The following DOCK9 variants were observed in gnomAD, a reference collection of about 807,000 sequenced individuals.
DOCK9 encodes the protein dedicator of cytokinesis protein 9.
In DOCK9, 89 loss-of-function variants were observed where a neutral mutation model predicts 263.3. The ratio of observed to expected loss-of-function variants is 0.34; its 90% confidence interval spans 0.28 to 0.40. The LOEUF is 0.40. DOCK9 is among the 10% of genes least tolerant of loss of function. DOCK9 has a pLI of 1.00. For missense variants in DOCK9, 2,140 were observed against 2,603.4 expected (o/e 0.82, Z 3.87); for synonymous variants, 976 against 973.1 (o/e 1.00, Z -0.06).
chr13:98,882,723 C>T (rs905935192), intron 23 of DOCK9, among the ~76,000 whole-genome samples: 12 of 152,314 alleles, frequency 7.9e-5, no homozygotes, highest in South Asian at 4.1e-4. Flanking sequence ...GGGTGAGGAC[C>T]GAAGTCTCTG....
chr13:98,848,502 C>T, intron 37 of DOCK9, 90 bp downstream of exon 37: 1 of 1,402,550 alleles, frequency 7.1e-7, no homozygotes, highest in Non-Finnish European at 9.8e-7. Context: ...TGAACCCCAA[C>T]TGCCAACCGC....
chr13:98,958,643 G>A (rs1412728401), intron 1 of DOCK9, among the ~76,000 whole-genome samples: 1 of 152,258 alleles, frequency 6.6e-6, no homozygotes, highest in Non-Finnish European at 1.5e-5. Context: ...GCAGCAGCCA[G>A]ATTTTGCCCA....
chr13:99,014,656 C>A (rs893173145), intron 1 of DOCK9, among the ~76,000 whole-genome samples: 5 of 152,332 alleles, frequency 3.3e-5, no homozygotes, highest in Admixed American at 2.6e-4. Flanking sequence ...AAGACACACA[C>A]AGAAACTCTG....
intron 1 of DOCK9, among the ~76,000 whole-genome samples, chr13:98,968,726 T>C (rs2059435889): frequency 6.6e-6 from 1 of 152,222 alleles, no homozygotes; most frequent in Non-Finnish European, 1.5e-5. Flanking sequence ...TTTTTTAAAC[T>C]TCATGGCAAA....
chr13:98,838,177 G>T (rs2093079073), intron 38 of DOCK9, among the ~76,000 whole-genome samples: 1 of 152,170 alleles, frequency 6.6e-6, no homozygotes, highest in Admixed American at 6.5e-5. Context: ...TCAGGCTGCT[G>T]GTCACTGAGT....
intron 49 of DOCK9, 60 bp from the exon 50 acceptor site, chr13:98,800,538 CTGAT>C (rs2089997701): frequency 7.1e-6 from 11 of 1,558,138 alleles, no homozygotes; most frequent in Non-Finnish European, 9.6e-6. Context: ...TGTTATTGAG[CTGAT>C]TATTATTAGA....
chr13:98,846,367 C>T (rs138431963), intron 37 of DOCK9, among the ~76,000 whole-genome samples: 5 of 152,180 alleles, frequency 3.3e-5, no homozygotes, highest in Admixed American at 6.5e-5. Flanking sequence ...AGTGTTCTGA[C>T]GACTGTCAAA....
At chr13:98,862,992 TGA>T (rs2093918279) in intron 32 of DOCK9, 25 bp downstream of exon 32, 2 of 1,570,988 alleles carry the variant, frequency 1.3e-6, no homozygotes, top group African/African-American at 2.7e-5. Context: ...TGATATAGGC[TGA>T]GTTAATGTGA....
chr13:98,843,776 A>C (rs542815495), intron 38 of DOCK9, among the ~76,000 whole-genome samples: 2 of 152,244 alleles, frequency 1.3e-5, no homozygotes, highest in South Asian at 4.1e-4. Context: ...TGGCAGCAGC[A>C]GCAGCACCAG....
intron 1 of DOCK9, among the ~76,000 whole-genome samples, chr13:99,004,574 C>T (rs184765508): frequency 3.3e-5 from 5 of 152,288 alleles, no homozygotes; most frequent in East Asian, 3.9e-4. Context: ...CACCTATCAT[C>T]GGCAATTGGC....
intron 38 of DOCK9, among the ~76,000 whole-genome samples, chr13:98,839,836 A>C (rs796866744): frequency 6.6e-6 from 1 of 152,260 alleles, no homozygotes; most frequent in Non-Finnish European, 1.5e-5. Context: ...ATATGGAAAC[A>C]TGGTACTGGG....
At chr13:98,939,979 T>C (rs1430961896) in intron 2 of DOCK9, among the ~76,000 whole-genome samples, 1 of 152,240 alleles carries the variant, frequency 6.6e-6, no homozygotes, top group Non-Finnish European at 1.5e-5. Context: ...TCGAGTGCAG[T>C]ATTAAACATT....
rs1459613670 is a variant in DOCK9, at chr13:98,831,407, G to A, written c.4576C>T (p.Leu1526=). ...RTEASQLLYF[L]MRNNFDYTGK... is the part of the protein sequence containing the mutation. Reference sequence around the variant, plus strand: ...GTGTAATCAAAGTTGTTCCTCATCAGGAAGTAGAGCAGCTGGGAGGCCTCC... The same window carrying A: ...GTGTAATCAAAGTTGTTCCTCATCAAGAAGTAGAGCAGCTGGGAGGCCTCC... The change falls in exon 41 of 53, where the codon CTG becomes TTG. Residue 1526 remains leucine, a synonymous_variant. Coordinates refer to ENST00000682017, the MANE Select transcript of DOCK9 (RefSeq NM_001366683.2). 6.2e-7 allele frequency: 1 copy of A among 1,603,934 alleles called. No individual in the cohort carries two copies. Among genetic ancestry groups the A allele is most frequent in the East Asian group, 2.2e-5 (1 of 44,662 alleles).
intron 3 of DOCK9, among the ~76,000 whole-genome samples, chr13:98,928,359 A>G (rs1041340385): frequency 1.3e-5 from 2 of 152,326 alleles, no homozygotes; most frequent in African/African-American, 4.8e-5. Flanking sequence ...GTTTTAAGCC[A>G]TTAGGTCATT....
chr13:99,052,557 A>T (rs2040743824), intron 1 of DOCK9, among the ~76,000 whole-genome samples: 1 of 152,010 alleles, frequency 6.6e-6, no homozygotes, highest in Non-Finnish European at 1.5e-5. Flanking sequence ...GGCCACTTGT[A>T]TGTCTTCTTT....
At chr13:98,838,868 A>C (rs1281773152) in intron 38 of DOCK9, among the ~76,000 whole-genome samples, 2 of 152,224 alleles carry the variant, frequency 1.3e-5, no homozygotes, top group Non-Finnish European at 2.9e-5. Context: ...AATGAAGTAC[A>C]GAAAACCTAG....
intron 1 of DOCK9, among the ~76,000 whole-genome samples, chr13:98,988,641 T>C (rs1879028325): frequency 6.6e-6 from 1 of 152,246 alleles, no homozygotes; most frequent in South Asian, 2.1e-4. Context: ...CATCCACTGT[T>C]ACTATAAAGA....
At chr13:98,911,504 C>T (rs189364627) in intron 9 of DOCK9, among the ~76,000 whole-genome samples, 1 of 152,274 alleles carries the variant, frequency 6.6e-6, no homozygotes, top group East Asian at 1.9e-4. Context: ...TTTTATATCA[C>T]TATGCAAGAC....
intron 2 of DOCK9, among the ~76,000 whole-genome samples, chr13:98,934,975 G>A (rs552728878): frequency 6.6e-6 from 1 of 152,178 alleles, no homozygotes; most frequent in Non-Finnish European, 1.5e-5. Flanking sequence ...ACAGTCTGAT[G>A]AAAGAGGACG....
Sources: gnomAD v4.1 joint callset for allele counts (sites outside exome capture counted in the v4.1 genomes callset) on GRCh38, gnomAD v4.1.1 for gene constraint, MANE v1.5 for transcripts, NCBI Gene and HGNC (gene_info 2026-07-23, HGNC 2026-07-21) for gene names.